GAB2: variants seen among roughly 807,000 people sequenced by gnomAD.
The protein encoded by GAB2 is GRB2 associated binding protein 2.
In GAB2, 26 loss-of-function variants were observed where a neutral mutation model predicts 65.5. The ratio of observed to expected loss-of-function variants is 0.40; its 90% CI spans 0.29 to 0.55. GAB2 has a LOEUF of 0.55. GAB2 is among the 20% of genes least tolerant of loss of function. The pLI is 0.53. For synonymous variants in GAB2, 321 were observed against 329.6 expected (o/e 0.97, Z 0.28); for missense variants, 884 against 875.8 (o/e 1.01, Z -0.12).
Position 78,235,797 on chromosome 11 carries a change from C to T in GAB2, c.621-8746G>A, listed in dbSNP as rs1864963688. Reference sequence around the variant, plus strand: ...TTGGTCACAGCCATTCCACAAGTCTCTAGGAAGTTCCAGACTTTCCCACAT... The same window carrying T: ...TTGGTCACAGCCATTCCACAAGTCTTTAGGAAGTTCCAGACTTTCCCACAT... On this transcript the variant is annotated intron_variant, in intron 3 of 9. Coordinates refer to ENST00000361507, the MANE Select transcript of GAB2 (RefSeq NM_080491.3). Among the ~76,000 whole-genome samples, 3 of 152,202 alleles carry T rather than the reference C, an allele frequency of 2.0e-5. No homozygotes were observed. The South Asian group carries it at 6.2e-4, about 31-fold the overall frequency.
At chr11:78,224,045 G>A (rs1864548033) in intron 5 of GAB2, among the ~76,000 whole-genome samples, 1 of 152,088 alleles carries the variant, frequency 6.6e-6, no homozygotes, top group Non-Finnish European at 1.5e-5. Context: ...TCATGCCACT[G>A]CACTCCAGCC....
At chr11:78,242,484 A>G (rs1865161687) in intron 3 of GAB2, among the ~76,000 whole-genome samples, 1 of 151,966 alleles carries the variant, frequency 6.6e-6, no homozygotes, top group Non-Finnish European at 1.5e-5. Context: ...CCTGGGCGAC[A>G]GAGCGAGACT....
rs538168981 is a variant in GAB2, at chr11:78,277,299, C to T, written c.376+3302G>A. Among the ~76,000 whole-genome samples the T allele has an allele frequency of 4.9e-4, 75 of 152,286 alleles. 1 individual carries two copies. The South Asian group carries it at 0.014, about 28-fold the overall frequency. ...TTAAAAAGCTGAGGTACTTCTTGGA[C>T]CCATTTCTCACATTGTTAGAGTAGG... On this transcript the variant is annotated intron_variant, in intron 2 of 9. Transcript: ENST00000361507.
chr11:78,278,713 C>T (rs1001129612), intron 2 of GAB2, among the ~76,000 whole-genome samples: 1 of 141,660 alleles, frequency 7.1e-6, no homozygotes, highest in South Asian at 2.2e-4. Context: ...ATTCCCCACC[C>T]CCAACATTTT....
intron 1 of GAB2, among the ~76,000 whole-genome samples, chr11:78,314,524 T>C (rs1259581004): frequency 6.6e-6 from 1 of 152,228 alleles, no homozygotes; most frequent in African/African-American, 2.4e-5. Flanking sequence ...TCAGCCAAAC[T>C]CCAACTTTGC....
At chr11:78,376,345 C>T (rs1856630806) in intron 1 of GAB2, among the ~76,000 whole-genome samples, 1 of 152,174 alleles carries the variant, frequency 6.6e-6, no homozygotes, top group African/African-American at 2.4e-5. Context: ...TGAGACAGTA[C>T]TTGCTGTGTA....
intron 1 of GAB2, among the ~76,000 whole-genome samples, chr11:78,402,573 A>T (rs1325196080): frequency 4.5e-5 from 1 of 22,146 alleles, no homozygotes; most frequent in Non-Finnish European, 1.0e-4. Context: ...CCCCACCCCC[A>T]ATCGCCCCAG....
chr11:78,337,013 T>C (rs1314700464), intron 1 of GAB2, among the ~76,000 whole-genome samples: 1 of 152,238 alleles, frequency 6.6e-6, no homozygotes. Context: ...CTCCAGCATC[T>C]ACCTACCTTT....
chr11:78,245,037 A>C (rs1028842887), intron 3 of GAB2, among the ~76,000 whole-genome samples: 1 of 152,218 alleles, frequency 6.6e-6, no homozygotes, highest in Admixed American at 6.5e-5. Context: ...GAATCAACCT[A>C]AGTGGTCATC....
intron 1 of GAB2, among the ~76,000 whole-genome samples, chr11:78,330,834 A>G (rs1308613019): frequency 4.9e-4 from 75 of 151,692 alleles, no homozygotes; most frequent in Non-Finnish European, 8.8e-5. Flanking sequence ...CCTATGAAGT[A>G]GAAAGGTATT....
rs1197651168 is a variant in GAB2, at chr11:78,280,643, T to C, written c.334A>G (p.Ile112Val). The C allele has an allele frequency of 2.5e-6, 4 of 1,614,052 alleles. No individual in the cohort carries two copies. Among genetic ancestry groups the C allele is most frequent in the Admixed American group, 1.7e-5 (1 of 60,008 alleles). Residue 112 changes from isoleucine (I) to valine (V), a missense_variant, in exon 2 of 10, where the codon ATC becomes GTC. Coordinates refer to ENST00000361507, the MANE Select transcript of GAB2 (RefSeq NM_080491.3). Reference protein sequence around the residue: ...EEDMNKWVQSICQICGFNQAE... With the variant: ...EEDMNKWVQSVCQICGFNQAE... ...TGATTGAAGCCACAGATCTGGCAGATGCTCTGGACCCACTTATTCATGTCC... is the reference window on the plus strand; with the variant it reads ...TGATTGAAGCCACAGATCTGGCAGACGCTCTGGACCCACTTATTCATGTCC...
chr11:78,244,637 G>A (rs1590961394), intron 3 of GAB2, among the ~76,000 whole-genome samples: 1 of 56,194 alleles, frequency 1.8e-5, no homozygotes, highest in Non-Finnish European at 3.4e-5. Flanking sequence ...TTCAAACGAA[G>A]ACAGAAAAAC....
At chr11:78,308,040 G>A (rs893755195) in intron 1 of GAB2, among the ~76,000 whole-genome samples, 1 of 152,164 alleles carries the variant, frequency 6.6e-6, no homozygotes, top group Admixed American at 6.5e-5. Flanking sequence ...AGACACCCAT[G>A]TTTCTCTGCC....
At position 78,215,902 on chromosome 11, in the gene GAB2, G is replaced by A. The variant is rs1218879282; in HGVS notation, c.*3370C>T. The A allele has an allele frequency of 6.5e-6, 1 of 152,700 alleles. No homozygotes were observed. Among genetic ancestry groups the A allele is most frequent in the East Asian group, 1.9e-4 (1 of 5,200 alleles). The allele number at this position is 152,700 out of a possible 1,614,324, so 9.5% of individuals were successfully genotyped here. On this transcript the variant is annotated 3_prime_UTR_variant, in exon 10 of 10. Coordinates refer to ENST00000361507, the MANE Select transcript of GAB2 (RefSeq NM_080491.3). ...GGGCCGAGATGTCCCCATGGGAGAA[G>A]GGGCCAGAGGGAGGATGAGCTGAGC...
intron 1 of GAB2, among the ~76,000 whole-genome samples, chr11:78,323,467 G>A (rs1369998926): frequency 6.6e-6 from 1 of 151,988 alleles, no homozygotes; most frequent in Admixed American, 6.6e-5. Context: ...CCGAGATCAT[G>A]CCACTGCACT....
At chr11:78,308,685 C>A (rs899342670) in intron 1 of GAB2, among the ~76,000 whole-genome samples, 6 of 152,072 alleles carry the variant, frequency 3.9e-5, no homozygotes, top group Non-Finnish European at 8.8e-5. Flanking sequence ...CTTGAGAATA[C>A]ACATACTTAT....
intron 1 of GAB2, among the ~76,000 whole-genome samples, chr11:78,399,542 C>T (rs1399087434): frequency 9.2e-5 from 14 of 152,218 alleles, no homozygotes; most frequent in Admixed American, 9.2e-4. Flanking sequence ...GGTTTAATTT[C>T]CCTTCCATGA....
chr11:78,228,282 G>C (rs775168425), intron 3 of GAB2, among the ~76,000 whole-genome samples: 5 of 152,208 alleles, frequency 3.3e-5, no homozygotes, highest in Non-Finnish European at 7.3e-5. Flanking sequence ...CAGGGATTTA[G>C]GTCTGCTTCT....
chr11:78,318,386 A>AAAAAAAAAAAAAAAAAAAAAAAAAAT (rs1855657644), intron 1 of GAB2, among the ~76,000 whole-genome samples: 2 of 146,694 alleles, frequency 1.4e-5, no homozygotes, highest in Admixed American at 6.9e-5. Flanking sequence ...AAAAAAAAAA[A>AAAAAAAAAAAAAAAAAAAAAAAAAAT]GCTGTGAAAA....
Sources: gnomAD v4.1 joint callset for allele counts (sites outside exome capture counted in the v4.1 genomes callset) on GRCh38, gnomAD v4.1.1 for gene constraint, MANE v1.5 for transcripts, NCBI Gene and HGNC (gene_info 2026-07-23, HGNC 2026-07-21) for gene names.